The following SPATA6L variants were observed in gnomAD, a reference collection of about 807,000 sequenced individuals.
SPATA6L encodes the protein spermatogenesis associated 6 like, also known as spermatogenesis associated 6-like protein.
In SPATA6L, 68 loss-of-function variants were observed where a neutral mutation model predicts 49.2. The ratio of observed to expected loss-of-function variants is 1.38; its 90% confidence interval spans 1.14 to 1.69. SPATA6L has a LOEUF of 1.69. Ranked by LOEUF, SPATA6L falls within the 40% of genes most tolerant of loss-of-function variation. The pLI is 0.00. For missense variants in SPATA6L, 668 were observed against 464.3 expected (o/e 1.44, Z -4.03); for synonymous variants, 198 against 165.7 (o/e 1.19, Z -1.50).
At chr9:4,655,351 C>T (rs1019906055) in intron 3 of SPATA6L, among the ~76,000 whole-genome samples, 1 of 152,052 alleles carries the variant, frequency 6.6e-6, no homozygotes, top group Non-Finnish European at 1.5e-5. Context: ...TCTATACAGA[C>T]GGAAAGATTA....
rs1243857466 is a variant in SPATA6L at position 4,644,182 on chromosome 9, GCAAAAAAAAAAAAAAAAAAAA to G, written c.227-8804_227-8784del. 4.5e-4 allele frequency among the ~76,000 whole-genome samples: 22 copies of G among 49,410 alleles called. No individual in the cohort carries two copies. The South Asian group carries it at 0.012, about 27-fold the overall frequency. 32.4% of individuals were successfully genotyped at this position (49,410 alleles called of 152,430 possible). A position where few individuals can be genotyped will look rare whatever the true frequency, so the allele number is the denominator to read the frequency against. ...GGCAACATAGTAAGATGCCATCTCT[GCAAAAAAAAAAAAAAAAAAAA>G]AAAAAAAAAAAAAAAATGTAGCTGG... On this transcript the variant is annotated intron_variant, in intron 3 of 11. Transcript: ENST00000682582.
chr9:4,592,706 T>C (rs992763581), intron 13 of SPATA6L, among the ~76,000 whole-genome samples: 4 of 152,228 alleles, frequency 2.6e-5, no homozygotes, highest in Admixed American at 6.5e-5. Flanking sequence ...ATAGTAGCTA[T>C]AGTTAATACT....
intron 6 of SPATA6L, among the ~76,000 whole-genome samples, chr9:4,624,071 G>C (rs1259930715): frequency 6.6e-6 from 1 of 152,130 alleles, no homozygotes; most frequent in East Asian, 1.9e-4. Context: ...ACAATTCATA[G>C]TCTCTGCCTA....
At chr9:4,622,156 T>C (rs982265614) in intron 7 of SPATA6L, among the ~76,000 whole-genome samples, 1 of 152,206 alleles carries the variant, frequency 6.6e-6, no homozygotes, top group African/African-American at 2.4e-5. Context: ...AGGGGACAAC[T>C]GCAACCACAG....
At chr9:4,605,220 TA>T in intron 10 of SPATA6L, 126 bp downstream of exon 10, 1 of 711,280 alleles carries the variant, frequency 1.4e-6, no homozygotes, top group South Asian at 1.7e-5. Context: ...ATCTCCTTGG[TA>T]AGCCTCACAA....
At chr9:4,629,769 GTATATATATATATATA>G (rs35908661) in intron 4 of SPATA6L, among the ~76,000 whole-genome samples, 1 of 101,936 alleles carries the variant, frequency 9.8e-6, no homozygotes, top group Admixed American at 1.1e-4. Context: ...GTGTGTGTGT[GTATATATATATATATA>G]TATATATATA....
downstream of SPATA6L, among the ~76,000 whole-genome samples, chr9:4,594,874 T>TA (rs1205224055): frequency 1.3e-5 from 2 of 152,076 alleles, no homozygotes; most frequent in South Asian, 2.1e-4. Context: ...TCAGAGGGAT[T>TA]AAAAAAATAC....
chr9:4,659,455 A>G (rs113500945), intron 2 of SPATA6L, among the ~76,000 whole-genome samples: 43 of 151,258 alleles, frequency 2.8e-4, no homozygotes, highest in Non-Finnish European at 4.9e-4. Context: ...AATATCTAGG[A>G]ATACAACTTA....
chr9:4,658,498 T>C (rs1838823222), intron 2 of SPATA6L, among the ~76,000 whole-genome samples: 1 of 152,198 alleles, frequency 6.6e-6, no homozygotes, highest in African/African-American at 2.4e-5. Flanking sequence ...ATTAATTGAC[T>C]GAATTTTATA....
rs1398565450 is a variant in SPATA6L at position 4,604,220 on chromosome 9, G to T, written c.1139C>A (p.Pro380His). ...VNYIIERPSY[P>H]LKKYSLHEQR... ...TTCATGCAGTGAGTATTTCTTCAGA[G>T]GGTAGCTTGGTCTTTCAATGATATA... Residue 380 changes from proline (P) to histidine (H), a missense_variant, in exon 11 of 12, where the codon CCT becomes CAT. Physicochemically the swap from Pro to His is moderately conservative, Grantham distance 77. Transcript: ENST00000682582. 7 of 1,612,234 alleles carry T rather than the reference G, an allele frequency of 4.3e-6. No individual in the cohort carries two copies. Among genetic ancestry groups the T allele is most frequent in the Non-Finnish European group, 5.1e-6 (6 of 1,178,864 alleles).
chr9:4,598,243 C>A (rs1822471350), downstream of SPATA6L, among the ~76,000 whole-genome samples: 1 of 152,102 alleles, frequency 6.6e-6, no homozygotes, highest in Admixed American at 6.6e-5. Context: ...ATAAAATATG[C>A]TCCAGGCTTT....
chr9:4,644,858 G>A (rs913298937), intron 3 of SPATA6L, among the ~76,000 whole-genome samples: 10 of 152,142 alleles, frequency 6.6e-5, no homozygotes, highest in Non-Finnish European at 1.2e-4. Flanking sequence ...ACACTGCATA[G>A]CAAAAGTACC....
rs956307791 is a variant in SPATA6L at position 4,662,320 on chromosome 9, G to T, written c.40-284C>A. On this transcript the variant is annotated intron_variant, in intron 1 of 11. Transcript: ENST00000682582. This position sits in a 1 kb window ranked among gnomAD's most constrained non-coding sequence, Gnocchi z 4.9. The stretch of plus-strand genomic sequence containing the variant: ...GTGCGGAAGCGGAAGAGGCTGCAGG[G>T]CCGGGAAGCCTCTGTTTGGTCCGGC... 6.2e-6 allele frequency: 9 copies of T among 1,445,394 alleles called. No individual in the cohort carries two copies. The South Asian group carries it at 1.3e-4, about 21-fold the overall frequency. 89.5% of individuals were successfully genotyped at this position (1,445,394 alleles called of 1,614,324 possible).
intron 2 of SPATA6L, among the ~76,000 whole-genome samples, chr9:4,658,732 C>G (rs970077134): frequency 6.6e-6 from 1 of 152,092 alleles, no homozygotes; most frequent in Non-Finnish European, 1.5e-5. Context: ...GTGGCTCATG[C>G]TGTAATCCCA....
intron 3 of SPATA6L, among the ~76,000 whole-genome samples, chr9:4,638,979 C>T (rs1377934328): frequency 4.6e-5 from 7 of 152,006 alleles, no homozygotes; most frequent in Non-Finnish European, 8.8e-5. Flanking sequence ...GGTTCAAATC[C>T]CTGCTCCACC....
rs1000016391 is a variant in SPATA6L, at chr9:4,645,437, G to C, written c.227-10038C>G. Among the ~76,000 whole-genome samples, 5 of 152,114 alleles carry C rather than the reference G, an allele frequency of 3.3e-5. No individual in the cohort carries two copies. The East Asian group carries it at 9.6e-4, about 29-fold the overall frequency. On this transcript the variant is annotated intron_variant, in intron 3 of 11. Transcript: ENST00000682582. ...TGGTTGAGGGGCTGTGTCTGGTGAG[G>C]GCCTTCTTGCTGGTGGGGACTCTGC...
In SPATA6L at chr9:4,606,481, T is replaced by A. The variant is rs556915494; in HGVS notation, c.996-1041A>T. On this transcript the variant is annotated intron_variant, in intron 9 of 11. Coordinates refer to ENST00000682582, the MANE Select transcript of SPATA6L (RefSeq NM_001353486.2). Reference sequence around the variant, plus strand: ...GGGGCAGACTGCGTCCTCAAGTGGGTGCCTGACCCCTGACCCCCGAGCAGC... The same window carrying A: ...GGGGCAGACTGCGTCCTCAAGTGGGAGCCTGACCCCTGACCCCCGAGCAGC... Among the ~76,000 whole-genome samples the A allele has an allele frequency of 1.4e-4, 6 of 43,310 alleles. 3 individuals carry two copies. Among genetic ancestry groups the A allele is most frequent in the Non-Finnish European group, 1.1e-4 (2 of 18,256 alleles). 28.4% of individuals were successfully genotyped at this position (43,310 alleles called of 152,430 possible).
intron 3 of SPATA6L, among the ~76,000 whole-genome samples, chr9:4,636,449 G>T (rs745541014): frequency 6.6e-6 from 1 of 152,162 alleles, no homozygotes; most frequent in Non-Finnish European, 1.5e-5. Flanking sequence ...TGGGTCTAAT[G>T]GGATGAACAA....
chr9:4,626,656 T>C lies in SPATA6L; in HGVS notation c.430-1090A>G. 3.9e-6 allele frequency: 4 copies of C among 1,028,242 alleles called. No individual in the cohort carries two copies. In the South Asian group the frequency reaches 4.9e-5, roughly 13 times the overall value. 63.7% of individuals were successfully genotyped at this position (1,028,242 alleles called of 1,614,324 possible). ...ACCCCTGTTTAGCCATTTTTAAAAA[T>C]TAAATCTTTCTGTTACAGTCACAAG... On this transcript the variant is annotated intron_variant, in intron 5 of 11. Transcript: ENST00000682582.
Sources: allele counts gnomAD v4.1 joint callset (sites outside exome capture counted in the v4.1 genomes callset), GRCh38; gene constraint gnomAD v4.1.1; non-coding constraint Gnocchi (gnomAD v3.1); transcripts MANE v1.5; gene names NCBI Gene and HGNC (gene_info 2026-07-23, HGNC 2026-07-21).